Variants in SLC6A11 observed in about 807,000 individuals in gnomAD.
The protein encoded by SLC6A11 is sodium- and chloride-dependent GABA transporter 3.
A neutral mutation model predicts 74.8 loss-of-function variants in SLC6A11; 25 were observed. That is an observed-to-expected ratio of 0.33 (90% confidence interval 0.24 to 0.47). SLC6A11 has a LOEUF of 0.47. SLC6A11 is among the 20% of genes least tolerant of loss of function. The probability of loss-of-function intolerance (pLI) is 1.00; values close to 1 mark genes in which losing one functional copy is unlikely to be tolerated. For synonymous variants in SLC6A11, 330 were observed against 330.2 expected, an observed-to-expected ratio of 1.00 and a Z score of 0.01; for missense variants, 574 against 837.0, an observed-to-expected ratio of 0.69 and a Z score of 3.88.
intron 8 of SLC6A11, among the ~76,000 whole-genome samples, chr3:10,919,088 T>A (rs1055071827): frequency 3.3e-5 from 5 of 151,966 alleles, no homozygotes; most frequent in Non-Finnish European, 5.9e-5. Flanking sequence ...GGAGAGCACC[T>A]CTCCCTCCCT....
chr3:10,841,801 G>A lies in SLC6A11; in HGVS notation c.624-2413G>A, dbSNP rs180783026. ...CAACTACTTCAACAAGAAGGCACAT[G>A]TCTGTGTGTGTGTGTGCGTGTGTGT... On this transcript the variant is annotated intron_variant, in intron 4 of 13. Transcript: ENST00000254488. 3.6e-3 allele frequency among the ~76,000 whole-genome samples: 555 copies of A among 152,328 alleles called. 1 individual carries two copies. The highest frequency in any genetic ancestry group is 6.5e-3 in the Non-Finnish European group (445 of 68,032).
At chr3:10,838,206 C>G (rs1694391452) in intron 4 of SLC6A11, among the ~76,000 whole-genome samples, 1 of 152,184 alleles carries the variant, frequency 6.6e-6, no homozygotes, top group African/African-American at 2.4e-5. Flanking sequence ...TCTGCTCCAG[C>G]TCTGCTCTCT....
intron 6 of SLC6A11, among the ~76,000 whole-genome samples, chr3:10,910,257 G>C (rs1420250350): frequency 1.3e-5 from 2 of 152,138 alleles, no homozygotes; most frequent in African/African-American, 4.8e-5. Context: ...TAACACAGTT[G>C]GGCAGACCCA....
At chr3:10,863,376 T>C (rs1050320105) in intron 5 of SLC6A11, among the ~76,000 whole-genome samples, 2 of 152,220 alleles carry the variant, frequency 1.3e-5, no homozygotes, top group African/African-American at 4.8e-5. Flanking sequence ...GGTCTATGAT[T>C]CACAGATTAA....
chr3:10,827,050 C>A (rs567064821), intron 4 of SLC6A11, among the ~76,000 whole-genome samples: 2 of 152,220 alleles, frequency 1.3e-5, no homozygotes, highest in Non-Finnish European at 2.9e-5. Flanking sequence ...GGGACACGCA[C>A]CCCTTCATAC....
chr3:10,837,015 G>A (rs1433207595), intron 4 of SLC6A11, among the ~76,000 whole-genome samples: 1 of 152,168 alleles, frequency 6.6e-6, no homozygotes, highest in East Asian at 1.9e-4. Flanking sequence ...AAAGCTTGCT[G>A]AGCTCTGGCC....
At chr3:10,904,486 A>G (rs1403527673) in intron 6 of SLC6A11, among the ~76,000 whole-genome samples, 1 of 152,194 alleles carries the variant, frequency 6.6e-6, no homozygotes, top group East Asian at 1.9e-4. Context: ...CCCCCCATTC[A>G]TTGCTGCAGA....
chr3:10,911,705 C>T (rs1695390430), intron 6 of SLC6A11, among the ~76,000 whole-genome samples: 1 of 152,158 alleles, frequency 6.6e-6, no homozygotes. Flanking sequence ...GTCCTTGTTG[C>T]ATGAATCCTT....
At chr3:10,878,500 G>T (rs1694938023) in intron 6 of SLC6A11, among the ~76,000 whole-genome samples, 1 of 150,518 alleles carries the variant, frequency 6.6e-6, no homozygotes, top group Non-Finnish European at 1.5e-5. Context: ...CGCTTCCCAG[G>T]TTCAAGCAAT....
In SLC6A11 at chr3:10,816,252, C is replaced by T. The variant is rs1219944911; in HGVS notation, c.-14C>T. 5 of 1,312,664 alleles carry T rather than the reference C, an allele frequency of 3.8e-6. No homozygotes were observed. The South Asian group carries it at 7.1e-5, about 19-fold the overall frequency. The allele number at this position is 1,312,664 out of a possible 1,614,324, so 81.3% of individuals were successfully genotyped here. A position where few individuals can be genotyped will look rare whatever the true frequency, so the allele number is the denominator to read the frequency against. On this transcript the variant is annotated 5_prime_UTR_variant, in exon 1 of 14. Transcript: ENST00000254488. The surrounding 1 kb of genome is among the most constrained non-coding windows in gnomAD (Gnocchi z 4.2). ...CGCAGAGCCGGGCCGGCGCACGAGG[C>T]AGCCAGCGCGGCCATGACGGCGGAG...
chr3:10,908,990 TAATA>T (rs1223196911), intron 6 of SLC6A11, among the ~76,000 whole-genome samples: 1 of 151,984 alleles, frequency 6.6e-6, no homozygotes, highest in Non-Finnish European at 1.5e-5. Flanking sequence ...AGTCATGTGC[TAATA>T]TTGGTCTGCC....
chr3:10,818,629 A>G (rs1003624039), intron 1 of SLC6A11, among the ~76,000 whole-genome samples: 1 of 152,222 alleles, frequency 6.6e-6, no homozygotes, highest in Non-Finnish European at 1.5e-5. Context: ...AAGCACTTTC[A>G]GTTAAAGCCG....
At position 10,926,165 on chromosome 3, in the gene SLC6A11, C is replaced by T; in HGVS notation, c.1233+49C>T. ...GCCCAGGAGGGAGGGGAGCCTGGGC[C>T]AGGAGGCCAGACGCCACCCTTAGGA... is the stretch of plus-strand genomic sequence containing the variant. On this transcript the variant is annotated intron_variant, in intron 9 of 13. Transcript: ENST00000254488. The surrounding 1 kb of genome is among the most constrained non-coding windows in gnomAD (Gnocchi z 5.7). 2 of 1,283,470 alleles carry T rather than the reference C, an allele frequency of 1.6e-6. No homozygotes were observed. The highest frequency in any genetic ancestry group is 2.2e-6 in the Non-Finnish European group (2 of 893,802). The allele number at this position is 1,283,470 out of a possible 1,614,324, so 79.5% of individuals were successfully genotyped here.
intron 6 of SLC6A11, among the ~76,000 whole-genome samples, chr3:10,895,743 A>C (rs1340531270): frequency 1.3e-5 from 2 of 152,100 alleles, no homozygotes; most frequent in Non-Finnish European, 2.9e-5. Context: ...TCGTCTTTGC[A>C]TGTGCAGGTA....
intron 12 of SLC6A11, 83 bp downstream of exon 12, chr3:10,934,249 C>A: frequency 1.0e-6 from 1 of 963,032 alleles, no homozygotes. Flanking sequence ...GTAGCCCCCA[C>A]CCTGGCCGAG....
intron 5 of SLC6A11, among the ~76,000 whole-genome samples, chr3:10,854,876 C>G (rs1033206829): frequency 1.3e-5 from 2 of 152,162 alleles, no homozygotes; most frequent in African/African-American, 4.8e-5. Context: ...TCCCGAAGGA[C>G]AGAGTGCCTG....
intron 4 of SLC6A11, among the ~76,000 whole-genome samples, chr3:10,841,421 G>A (rs1464696968): frequency 6.6e-6 from 1 of 152,190 alleles, no homozygotes; most frequent in African/African-American, 2.4e-5. Flanking sequence ...TGCCCTGCAG[G>A]CTGAGAATCT....
intron 4 of SLC6A11, among the ~76,000 whole-genome samples, chr3:10,832,318 T>C (rs1399667664): frequency 6.6e-6 from 1 of 152,106 alleles, no homozygotes; most frequent in Non-Finnish European, 1.5e-5. Flanking sequence ...CTGGGGATCC[T>C]TGATTAGGGT....
At chr3:10,861,103 T>G (rs548166815) in intron 5 of SLC6A11, among the ~76,000 whole-genome samples, 8 of 152,334 alleles carry the variant, frequency 5.3e-5, no homozygotes, top group African/African-American at 1.7e-4. Flanking sequence ...GAGAGCAGCT[T>G]CCTTTGAGAG....
Sources: gnomAD v4.1 joint callset for allele counts (sites outside exome capture counted in the v4.1 genomes callset) on GRCh38, gnomAD v4.1.1 for gene constraint, Gnocchi (gnomAD v3.1) non-coding constraint, MANE v1.5 for transcripts, NCBI Gene and HGNC (gene_info 2026-07-23, HGNC 2026-07-21) for gene names.